EGFLAM: variants seen among roughly 807,000 people sequenced by gnomAD.
EGFLAM encodes the protein pikachurin.
In EGFLAM, 79 loss-of-function variants were observed where a neutral mutation model predicts 113.1. The ratio of observed to expected loss-of-function variants is 0.70; its 90% confidence interval spans 0.58 to 0.84. The LOEUF is 0.84. EGFLAM is among the 40% of genes least tolerant of loss of function. The pLI is 0.00. For missense variants in EGFLAM, 1,265 were observed against 1,291.6 expected, an observed-to-expected ratio of 0.98 and a Z score of 0.32; for synonymous variants, 504 against 487.6, an observed-to-expected ratio of 1.03 and a Z score of -0.44.
rs570994542 is a variant in EGFLAM, at chr5:38,368,710, G to A, written c.546-1586G>A. Among the ~76,000 whole-genome samples the A allele has an allele frequency of 2.4e-4, 37 of 152,150 alleles. 1 individual carries two copies. The South Asian group carries it at 6.3e-3, about 26-fold the overall frequency. On this transcript the variant is annotated intron_variant, in intron 5 of 21. Coordinates refer to ENST00000322350, the MANE Select transcript of EGFLAM (RefSeq NM_152403.4). ...GCAAAGGGATGGGGAATCGTCTGCC[G>A]CCCACCGTCACTCCCCCTTTTCATC...
chr5:38,379,046 G>A (rs2366980), intron 6 of EGFLAM, among the ~76,000 whole-genome samples: 17,690 of 152,106 alleles, frequency 0.12, 1,354 homozygotes, highest in African/African-American at 0.22. Context: ...CTCTGTTCTG[G>A]GAATGGGAAG....
chr5:38,398,709 T>C, intron 6 of EGFLAM, among the ~76,000 whole-genome samples: 1 of 152,150 alleles, frequency 6.6e-6, no homozygotes, highest in East Asian at 1.9e-4. Flanking sequence ...GGCTCAAGCT[T>C]GCAGGGCCAA....
intron 14 of EGFLAM, among the ~76,000 whole-genome samples, chr5:38,428,007 C>A (rs1453802088): frequency 6.6e-6 from 1 of 152,092 alleles, no homozygotes; most frequent in African/African-American, 2.4e-5. Flanking sequence ...TTTATGTCTC[C>A]CATCTTTTTA....
chr5:38,406,120 G>C lies in EGFLAM; in HGVS notation c.713-6G>C. 1.2e-6 allele frequency: 2 copies of C among 1,613,070 alleles called. No individual in the cohort carries two copies. Among genetic ancestry groups the C allele is most frequent in the Non-Finnish European group, 1.7e-6 (2 of 1,179,078 alleles). On this transcript the variant is annotated splice_region_variant and splice_polypyrimidine_tract_variant and intron_variant, in intron 6 of 21. Coordinates refer to ENST00000322350, the MANE Select transcript of EGFLAM (RefSeq NM_152403.4). ...GATGAAGGGTGTGCTGCTTTTCTTT[G>C]TGAAGGCCCTGAGGAGGCGGGAAGT...
At chr5:38,366,101 A>C (rs1026744597) in intron 5 of EGFLAM, among the ~76,000 whole-genome samples, 1 of 152,122 alleles carries the variant, frequency 6.6e-6, no homozygotes, top group African/African-American at 2.4e-5. Context: ...TCTTATGTAA[A>C]GACACCACCC....
chr5:38,455,459 AT>A (rs1312630377), intron 19 of EGFLAM, among the ~76,000 whole-genome samples: 1 of 151,150 alleles, frequency 6.6e-6, no homozygotes, highest in Admixed American at 6.6e-5. Flanking sequence ...AGCTTGATAC[AT>A]TTAGAATATG....
At chr5:38,462,416 A>G (rs931664591) in intron 20 of EGFLAM, among the ~76,000 whole-genome samples, 1 of 152,024 alleles carries the variant, frequency 6.6e-6, no homozygotes, top group African/African-American at 2.4e-5. Flanking sequence ...TTGGGGCTTC[A>G]CCTTTCCCAG....
chr5:38,436,157 T>A (rs1384837329), intron 16 of EGFLAM, among the ~76,000 whole-genome samples: 1 of 152,170 alleles, frequency 6.6e-6, no homozygotes, highest in African/African-American at 2.4e-5. Context: ...CCATGATCTC[T>A]GTGGTTATGA....
chr5:38,459,456 T>C (rs1217804752), intron 20 of EGFLAM, among the ~76,000 whole-genome samples: 1 of 152,206 alleles, frequency 6.6e-6, no homozygotes, highest in Non-Finnish European at 1.5e-5. Flanking sequence ...CTTTATATAA[T>C]AGTTTTACTA....
At chr5:38,460,696 T>C (rs1193089735) in intron 20 of EGFLAM, among the ~76,000 whole-genome samples, 2 of 152,062 alleles carry the variant, frequency 1.3e-5, no homozygotes, top group Non-Finnish European at 2.9e-5. Context: ...ATACTGTGAG[T>C]TGTGAGCAGA....
intron 17 of EGFLAM, among the ~76,000 whole-genome samples, chr5:38,444,765 C>T (rs1742654903): frequency 6.6e-6 from 1 of 151,970 alleles, no homozygotes; most frequent in African/African-American, 2.4e-5. Flanking sequence ...GCCAACATGG[C>T]GAAACCCCAA....
At chr5:38,341,325 C>T (rs963559831) in intron 3 of EGFLAM, among the ~76,000 whole-genome samples, 1 of 152,160 alleles carries the variant, frequency 6.6e-6, no homozygotes, top group African/African-American at 2.4e-5. Context: ...GCGGAAGGCA[C>T]CTCTTCACAG....
chr5:38,293,165 G>A (rs1269043550), intron 1 of EGFLAM, among the ~76,000 whole-genome samples: 1 of 152,144 alleles, frequency 6.6e-6, no homozygotes, highest in Non-Finnish European at 1.5e-5. Flanking sequence ...AAACTATGAA[G>A]ACCCTTGACT....
At chr5:38,328,905 G>A (rs1738962857) in intron 1 of EGFLAM, among the ~76,000 whole-genome samples, 1 of 151,880 alleles carries the variant, frequency 6.6e-6, no homozygotes, top group Admixed American at 6.6e-5. Flanking sequence ...CAAAGAGCAT[G>A]ATGGAAGTTT....
In EGFLAM at chr5:38,438,295, C is replaced by A. The variant is rs1279197019; in HGVS notation, c.2304C>A (p.Thr768=). 4 of 1,612,886 alleles carry A rather than the reference C, an allele frequency of 2.5e-6. No homozygotes were observed. The highest frequency in any genetic ancestry group is 2.5e-6 in the Non-Finnish European group (3 of 1,179,406). The change falls in exon 17 of 22, where the codon ACC becomes ACA. Residue 768 remains threonine (T), a synonymous_variant. Transcript: ENST00000322350. ...SIQKIILNDR[T]IHVKHDFTSG... ...TCAAGATCATCCTGAATGACCGAAC[C>A]ATCCATGTGAAGCATGACTTCACCT...
At position 38,316,493 on chromosome 5, in the gene EGFLAM, C is replaced by A. The variant is rs373438354; in HGVS notation, c.98-21027C>A. On this transcript the variant is annotated intron_variant, in intron 1 of 21. Transcript: ENST00000322350. ...TAAAATAGGACAATAATAGTGCCTG[C>A]CTAGTAGAGTTGTTGTGAGGATTGA... Among the ~76,000 whole-genome samples, 32 of 152,280 alleles carry A rather than the reference C, an allele frequency of 2.1e-4. No individual in the cohort carries two copies. In the South Asian group the frequency reaches 6.6e-3, roughly 32 times the overall value.
chr5:38,422,321 C>T (rs768069979), intron 12 of EGFLAM, among the ~76,000 whole-genome samples: 2 of 152,160 alleles, frequency 1.3e-5, no homozygotes, highest in Non-Finnish European at 2.9e-5. Context: ...TCCTCCCCAT[C>T]ACTCTTGAGT....
intron 1 of EGFLAM, among the ~76,000 whole-genome samples, chr5:38,303,114 G>A (rs1758635587): frequency 1.3e-5 from 2 of 152,092 alleles, no homozygotes; most frequent in Non-Finnish European, 2.9e-5. Context: ...TATACCCATT[G>A]TCCTTGGGAT....
chr5:38,384,464 A>G (rs551245716), intron 6 of EGFLAM, among the ~76,000 whole-genome samples: 1 of 152,286 alleles, frequency 6.6e-6, no homozygotes, highest in South Asian at 2.1e-4. Context: ...TGTTGCTCCC[A>G]TGCTCCCAAG....
Sources: allele counts gnomAD v4.1 joint callset (sites outside exome capture counted in the v4.1 genomes callset), GRCh38; gene constraint gnomAD v4.1.1; transcripts MANE v1.5; gene names NCBI Gene and HGNC (gene_info 2026-07-23, HGNC 2026-07-21).